Variants in DMTF1 observed in about 807,000 individuals in gnomAD.
DMTF1 encodes cyclin-D-binding Myb-like transcription factor 1.
A neutral mutation model predicts 91.1 loss-of-function variants in DMTF1; 39 were observed. The observed-to-expected ratio is 0.43, with a 90% CI of 0.33 to 0.56. DMTF1 has a LOEUF of 0.56. DMTF1 is among the 20% of genes least tolerant of loss of function. The pLI is 0.05. For synonymous variants in DMTF1, 338 were observed against 309.5 expected (o/e 1.09, Z -0.97); for missense variants, 750 against 914.5 (o/e 0.82, Z 2.32).
intron 11 of DMTF1, 84 bp from the exon 12 acceptor site, chr7:87,185,745 C>A: frequency 1.4e-6 from 2 of 1,451,672 alleles, no homozygotes; most frequent in South Asian, 1.2e-5. Context: ...CCTTTATTTG[C>A]CAGTGCAATT....
At chr7:87,182,079 G>T (rs942236272) in intron 9 of DMTF1, 149 bp from the exon 10 acceptor site, 1 of 1,539,256 alleles carries the variant, frequency 6.5e-7, no homozygotes, top group African/African-American at 1.4e-5. Flanking sequence ...CCAAAAAAAG[G>T]CCACACTTTC....
At chr7:87,178,361 A>G (rs55878151) in intron 7 of DMTF1, among the ~76,000 whole-genome samples, 3,950 of 152,116 alleles carry the variant, frequency 0.026, 78 homozygotes, top group East Asian at 0.065. Context: ...GGGTTTCTAC[A>G]TATATATCGC....
intron 9 of DMTF1, chr7:87,181,992 G>T (rs1307665862): frequency 4.7e-6 from 7 of 1,503,870 alleles, no homozygotes; most frequent in Non-Finnish European, 6.2e-6. Context: ...ACATATCCAA[G>T]TTACTTATTT....
intron 7 of DMTF1, among the ~76,000 whole-genome samples, chr7:87,178,332 A>AT (rs1200092677): frequency 6.6e-6 from 1 of 151,848 alleles, no homozygotes; most frequent in Non-Finnish European, 1.5e-5. Flanking sequence ...AAAGTAACAT[A>AT]TTTTTTTCAT....
intron 13 of DMTF1, among the ~76,000 whole-genome samples, 189 bp from the exon 14 acceptor site, chr7:87,190,756 A>G (rs1333493402): frequency 1.3e-5 from 2 of 152,084 alleles, no homozygotes; most frequent in African/African-American, 2.4e-5. Context: ...CCCCTGCACT[A>G]TATGTCATGC....
At chr7:87,182,037 G>GTT in intron 9 of DMTF1, 191 bp from the exon 10 acceptor site, 2 of 1,497,872 alleles carry the variant, frequency 1.3e-6, no homozygotes, top group South Asian at 1.2e-5. Flanking sequence ...ATTGCTGCCT[G>GTT]TTTTTTTTTC....
chr7:87,165,042 C>T lies in DMTF1; in HGVS notation c.101C>T (p.Pro34Leu). Residue 34 changes from proline (P) to leucine (L), a missense_variant, in exon 3 of 18, where the codon CCT becomes CTT. By Grantham distance (98) the Pro-to-Leu change is moderately conservative. Transcript: ENST00000331242. ...DTEGNLILHC[P>L]QNEADEIDSE... The stretch of plus-strand genomic sequence containing the variant: ...GAAGGGAATCTCATTCTTCACTGCC[C>T]TCAGAATGGTAGGAGAACTTGCTGA... 6.2e-7 allele frequency: 1 copy of T among 1,603,644 alleles called. No individual in the cohort carries two copies. The highest frequency in any genetic ancestry group is 1.1e-5 in the South Asian group (1 of 89,934).
At position 87,188,317 on chromosome 7, in the gene DMTF1, T is replaced by G. The variant is rs114894091; in HGVS notation, c.1411+16T>G. On this transcript the variant is annotated intron_variant, in intron 13 of 17. Coordinates refer to ENST00000331242, the MANE Select transcript of DMTF1 (RefSeq NM_001142327.2). ...ACCCATGTTTGTAAGTGTTTGATCT[T>G]CAAGATTCCTTGCTGTTTGATCTAT... is the stretch of plus-strand genomic sequence containing the variant. 1.2e-3 allele frequency: 2,005 copies of G among 1,612,670 alleles called. 21 individuals are homozygous for G. In the African/African-American group the frequency reaches 0.024, roughly 19 times the overall value.
chr7:87,178,405 G>T (rs983081575), intron 7 of DMTF1, among the ~76,000 whole-genome samples: 3 of 150,790 alleles, frequency 2.0e-5, no homozygotes, highest in African/African-American at 4.9e-5. Context: ...TTATAATTTT[G>T]GTTTTTTTAA....
At position 87,184,648 on chromosome 7, in the gene DMTF1, T is replaced by C. The variant is rs752978737; in HGVS notation, c.1049+23T>C. On this transcript the variant is annotated intron_variant, in intron 11 of 17. Coordinates refer to ENST00000331242, the MANE Select transcript of DMTF1 (RefSeq NM_001142327.2). ...CAGGTTTGTGTCCTGAATCTTGTAATGACAAAAGCAACTTAATTTCTGTGG... is the reference window on the plus strand; with the variant it reads ...CAGGTTTGTGTCCTGAATCTTGTAACGACAAAAGCAACTTAATTTCTGTGG... 3.8e-6 allele frequency: 6 copies of C among 1,599,298 alleles called. No individual in the cohort carries two copies. In the African/African-American group the frequency reaches 8.0e-5, roughly 21 times the overall value.
At chr7:87,187,822 C>T (rs1798801464) in intron 12 of DMTF1, 1 of 439,044 alleles carries the variant, frequency 2.3e-6, no homozygotes, top group Admixed American at 3.9e-5. Context: ...GTCCTGTTTC[C>T]ATGTTCTTTG....
intron 1 of DMTF1, among the ~76,000 whole-genome samples, chr7:87,156,482 A>G (rs1472158661): frequency 6.6e-6 from 1 of 152,162 alleles, no homozygotes; most frequent in African/African-American, 2.4e-5. Context: ...ATGTTCATTT[A>G]TGGCTCTGCT....
chr7:87,189,160 G>C (rs1343377808), intron 13 of DMTF1, among the ~76,000 whole-genome samples: 3 of 152,086 alleles, frequency 2.0e-5, no homozygotes, highest in African/African-American at 7.2e-5. Flanking sequence ...GTCATTATGA[G>C]AAACAGAAAC....
rs574217533 is a variant in DMTF1 at position 87,179,625 on chromosome 7, A to G, written c.600A>G (p.Ala200=). The G allele has an allele frequency of 5.7e-6, 9 of 1,584,546 alleles. No individual in the cohort carries two copies. The highest frequency in any genetic ancestry group is 5.5e-5 in the African/African-American group (4 of 72,900). The change falls in exon 8 of 18, where the codon GCA becomes GCG. Residue 200 remains alanine, a synonymous_variant. Coordinates refer to ENST00000331242, the MANE Select transcript of DMTF1 (RefSeq NM_001142327.2). ...GAAAAGATTTCTACAGGACTATAGC[A>G]TGGGGTCTGAACCGGCCTTTGTTTG... ...DERKDFYRTI[A]WGLNRPLFAV...
chr7:87,194,473 T>TACTAGGAACATCATCCTAC, intron 16 of DMTF1: 1 of 516,422 alleles, frequency 1.9e-6, no homozygotes, highest in Non-Finnish European at 3.4e-6. Context: ...TCAGCTGACC[T>TACTAGGAACATCATCCTAC]ATAACTGACC....
intron 4 of DMTF1, among the ~76,000 whole-genome samples, chr7:87,167,541 T>G (rs953269102): frequency 1.3e-5 from 2 of 152,208 alleles, no homozygotes; most frequent in Non-Finnish European, 2.9e-5. Flanking sequence ...ATCTTCATCT[T>G]TTGAAAAAGC....
At chr7:87,184,022 G>T (rs1246108934) in intron 10 of DMTF1, among the ~76,000 whole-genome samples, 2 of 152,102 alleles carry the variant, frequency 1.3e-5, no homozygotes, top group African/African-American at 2.4e-5. Context: ...AATCTTAGGT[G>T]ACAGTAAGAA....
chr7:87,192,814 GAA>G (rs1210972295), intron 14 of DMTF1: 1 of 164,406 alleles, frequency 6.1e-6, no homozygotes, highest in African/African-American at 2.4e-5. Context: ...ATTATACCGT[GAA>G]AAAGTGTTCA....
intron 1 of DMTF1, among the ~76,000 whole-genome samples, chr7:87,156,842 A>G (rs968985308): frequency 3.9e-5 from 6 of 152,264 alleles, no homozygotes; most frequent in South Asian, 4.1e-4. Flanking sequence ...TAGTTATACA[A>G]TGATAGAGTA....
Sources: gnomAD v4.1 joint callset for allele counts (sites outside exome capture counted in the v4.1 genomes callset) on GRCh38, gnomAD v4.1.1 for gene constraint, MANE v1.5 for transcripts, NCBI Gene and HGNC (gene_info 2026-07-23, HGNC 2026-07-21) for gene names.